The following RPS6KC1 variants were observed in gnomAD, a reference collection of about 807,000 sequenced individuals.
RPS6KC1 encodes the protein ribosomal protein S6 kinase C1, also known as inactive ribosomal protein S6 kinase delta-1.
RPS6KC1 carries 54 observed loss-of-function variants against 103.8 expected under a neutral mutation model. The ratio of observed to expected loss-of-function variants is 0.52; its 90% confidence interval spans 0.42 to 0.65. The LOEUF is 0.65. RPS6KC1 is among the 30% of genes least tolerant of loss of function. The probability of loss-of-function intolerance (pLI) is 0.00; values close to 1 mark genes in which losing one functional copy is unlikely to be tolerated. For synonymous variants in RPS6KC1, 439 were observed against 438.7 expected (o/e 1.00, Z -0.01); for missense variants, 1,151 against 1,253.8 (o/e 0.92, Z 1.24).
At chr1:213,419,957 T>C in the RPS6KC1 span, among the ~76,000 whole-genome samples, 19 of 152,358 alleles carry the variant, frequency 1.2e-4, no homozygotes, top group African/African-American at 4.6e-4. Flanking sequence ...TTTTCTTTAA[T>C]GCACGGAAAC....
intron 8 of RPS6KC1, among the ~76,000 whole-genome samples, chr1:213,194,480 G>T (rs1282519200): frequency 1.3e-5 from 2 of 151,948 alleles, no homozygotes; most frequent in Admixed American, 6.6e-5. Context: ...TAAGTTTTTT[G>T]ATTTGAAGTT....
rs895232453 is a variant in RPS6KC1 at position 213,273,488 on chromosome 1, C to G, written c.*854C>G. Reference sequence around the variant, plus strand: ...TTAGATCTCTTCTTCATTTAATAACCCTCCCCCCTTTTTTTCCTTGAAGAA... The same window carrying G: ...TTAGATCTCTTCTTCATTTAATAACGCTCCCCCCTTTTTTTCCTTGAAGAA... On this transcript the variant is annotated 3_prime_UTR_variant, in exon 15 of 15. Coordinates refer to ENST00000366960, the MANE Select transcript of RPS6KC1 (RefSeq NM_012424.6). The G allele has an allele frequency of 1.3e-5, 2 of 152,384 alleles. No individual in the cohort carries two copies. The highest frequency in any genetic ancestry group is 4.8e-5 in the African/African-American group (2 of 41,348). 9.4% of individuals were successfully genotyped at this position (152,384 alleles called of 1,614,324 possible). A position where few individuals can be genotyped will look rare whatever the true frequency, so the allele number is the denominator to read the frequency against.
intron 8 of RPS6KC1, among the ~76,000 whole-genome samples, chr1:213,211,124 T>C (rs1428542645): frequency 6.6e-6 from 1 of 152,198 alleles, no homozygotes; most frequent in African/African-American, 2.4e-5. Context: ...TAAAGCTAAA[T>C]ACAATAGACT....
the RPS6KC1 span, among the ~76,000 whole-genome samples, chr1:213,400,171 G>C: frequency 1.3e-5 from 2 of 151,986 alleles, no homozygotes; most frequent in Admixed American, 1.3e-4. Context: ...AGAACTGACT[G>C]CTCAGGTGAC....
At chr1:213,180,066 G>T (rs748183297) in intron 8 of RPS6KC1, among the ~76,000 whole-genome samples, 1 of 152,090 alleles carries the variant, frequency 6.6e-6, no homozygotes, top group African/African-American at 2.4e-5. Flanking sequence ...ATGACTTTCT[G>T]TTCTTCAATT....
At chr1:213,839,898 C>T in the RPS6KC1 span, 1 of 152,158 alleles carries the variant, frequency 6.6e-6, no homozygotes, top group Non-Finnish European at 1.5e-5. Flanking sequence ...GGACCATCGT[C>T]AGTGCTGAAT....
At chr1:213,396,921 C>T in the RPS6KC1 span, among the ~76,000 whole-genome samples, 4 of 152,190 alleles carry the variant, frequency 2.6e-5, no homozygotes, top group Admixed American at 6.5e-5. Flanking sequence ...ACAGGCTCCA[C>T]GATGGCCAGG....
chr1:213,308,100 T>G, the RPS6KC1 span, among the ~76,000 whole-genome samples: 1 of 151,854 alleles, frequency 6.6e-6, no homozygotes, highest in Non-Finnish European at 1.5e-5. Flanking sequence ...TCATTTGAGG[T>G]CAGGAGTTCA....
chr1:213,795,530 A>G, the RPS6KC1 span, among the ~76,000 whole-genome samples: 5 of 152,196 alleles, frequency 3.3e-5, no homozygotes, highest in African/African-American at 7.2e-5. Context: ...TTAAAAAATT[A>G]TTACTGAACA....
At chr1:213,831,844 A>G in the RPS6KC1 span, among the ~76,000 whole-genome samples, 3 of 152,188 alleles carry the variant, frequency 2.0e-5, no homozygotes, top group Non-Finnish European at 2.9e-5. Flanking sequence ...TGCAGCTCAA[A>G]AGTGAGTCTT....
At chr1:213,070,064 A>C (rs1246595066) in intron 1 of RPS6KC1, among the ~76,000 whole-genome samples, 1 of 152,166 alleles carries the variant, frequency 6.6e-6, no homozygotes, top group Non-Finnish European at 1.5e-5. Flanking sequence ...TAAATAATTT[A>C]TATTACTTTT....
chr1:213,640,833 G>A, the RPS6KC1 span, among the ~76,000 whole-genome samples: 1 of 151,598 alleles, frequency 6.6e-6, no homozygotes, highest in Non-Finnish European at 1.5e-5. Context: ...AATTGTTCAT[G>A]TTCACTTAAA....
intron 8 of RPS6KC1, among the ~76,000 whole-genome samples, chr1:213,224,086 A>G (rs2093902727): frequency 6.6e-6 from 1 of 152,198 alleles, no homozygotes; most frequent in African/African-American, 2.4e-5. Flanking sequence ...GTGCCTTCAT[A>G]GTAGCATATC....
chr1:213,494,013 A>T, the RPS6KC1 span, among the ~76,000 whole-genome samples: 1 of 152,082 alleles, frequency 6.6e-6, no homozygotes, highest in Non-Finnish European at 1.5e-5. Context: ...GAGGCTGTCA[A>T]TCTGTAGGTA....
downstream of RPS6KC1, among the ~76,000 whole-genome samples, chr1:213,275,355 C>G (rs201566213): frequency 2.6e-5 from 4 of 152,078 alleles, no homozygotes; most frequent in East Asian, 1.9e-4. Flanking sequence ...CACTATTATT[C>G]TACCATGATC....
chr1:213,707,544 T>G, the RPS6KC1 span, among the ~76,000 whole-genome samples: 78,432 of 151,874 alleles, frequency 0.52, 21,260 homozygotes, highest in East Asian at 0.74. Flanking sequence ...AGAAGCTCTT[T>G]AATTAGATCT....
the RPS6KC1 span, among the ~76,000 whole-genome samples, chr1:213,604,907 G>A: frequency 1.3e-5 from 2 of 152,134 alleles, no homozygotes. Context: ...AGATGGGAAG[G>A]GTGGCTTGCA....
Position 213,242,310 on chromosome 1 carries a change from T to C in RPS6KC1, c.2821+13T>C, listed in dbSNP as rs748451580. 1 of 1,612,908 alleles carries C rather than the reference T, an allele frequency of 6.2e-7. No homozygotes were observed. Among genetic ancestry groups the C allele is most frequent in the Non-Finnish European group, 8.5e-7 (1 of 1,179,298 alleles). On this transcript the variant is annotated intron_variant, in intron 11 of 14. Transcript: ENST00000366960. Reference sequence around the variant, plus strand: ...TTGAATGATAGAGGTCAGGAACTTTTGCAAATGCATTTCTTTTTATTCGCT... The same window carrying C: ...TTGAATGATAGAGGTCAGGAACTTTCGCAAATGCATTTCTTTTTATTCGCT...
the RPS6KC1 span, among the ~76,000 whole-genome samples, chr1:213,302,314 A>T: frequency 6.6e-6 from 1 of 152,160 alleles, no homozygotes; most frequent in Admixed American, 6.5e-5. Flanking sequence ...AGGTTTCTGC[A>T]GCTATTGTGT....
Sources: allele counts gnomAD v4.1 joint callset (sites outside exome capture counted in the v4.1 genomes callset), GRCh38; gene constraint gnomAD v4.1.1; transcripts MANE v1.5; gene names NCBI Gene and HGNC (gene_info 2026-07-23, HGNC 2026-07-21).